TTC28: variants seen among roughly 807,000 people sequenced by gnomAD.
TTC28 encodes tetratricopeptide repeat domain 28.
Under a neutral mutation model 198.0 loss-of-function variants are expected in TTC28, and 61 were observed. That is an observed-to-expected ratio of 0.31 (90% CI 0.25 to 0.38). The LOEUF is 0.38. Ranked by LOEUF, TTC28 falls within the 10% of genes least tolerant of loss-of-function variation. The pLI, the probability that TTC28 is intolerant of heterozygous loss-of-function variation, is 1.00. For missense variants in TTC28, 2,678 were observed against 3,164.0 expected (o/e 0.85, Z 3.69); for synonymous variants, 1,171 against 1,297.8 (o/e 0.90, Z 2.10).
intron 2 of TTC28, among the ~76,000 whole-genome samples, chr22:28,534,942 G>A (rs904630091): frequency 1.3e-5 from 2 of 152,042 alleles, no homozygotes; most frequent in Admixed American, 6.6e-5. Flanking sequence ...GGGGTAGTAT[G>A]AGGAGATATA....
chr22:28,388,796 A>C (rs959972794), intron 2 of TTC28, among the ~76,000 whole-genome samples: 5 of 152,324 alleles, frequency 3.3e-5, no homozygotes, highest in Admixed American at 1.3e-4. Flanking sequence ...AACAGGGACA[A>C]TTTGACTTCC....
At chr22:28,023,733 T>A (rs1569088779) in intron 13 of TTC28, among the ~76,000 whole-genome samples, 1 of 152,134 alleles carries the variant, frequency 6.6e-6, no homozygotes, top group East Asian at 1.9e-4. Flanking sequence ...AGATGGGTGA[T>A]CACCTGGCAA....
At chr22:28,014,153 C>T in intron 14 of TTC28, 95 bp downstream of exon 14, 1 of 1,402,734 alleles carries the variant, frequency 7.1e-7, no homozygotes. Context: ...GTCTCGGGAG[C>T]CCATTTTGGT....
At chr22:28,166,294 G>C (rs1014465024) in intron 5 of TTC28, among the ~76,000 whole-genome samples, 12 of 152,142 alleles carry the variant, frequency 7.9e-5, no homozygotes, top group Admixed American at 6.5e-4. Flanking sequence ...GGATATCCAG[G>C]AATTGAACTC....
At chr22:28,580,305 T>G in intron 2 of TTC28, among the ~76,000 whole-genome samples, 1 of 152,170 alleles carries the variant, frequency 6.6e-6, no homozygotes, top group Non-Finnish European at 1.5e-5. Flanking sequence ...CTCCCTTACC[T>G]CCCTACAAAG....
At chr22:28,251,549 G>A (rs1049814883) in intron 5 of TTC28, among the ~76,000 whole-genome samples, 11 of 152,226 alleles carry the variant, frequency 7.2e-5, no homozygotes, top group African/African-American at 2.2e-4. Flanking sequence ...ATCACTGTTA[G>A]GAGAAACAAA....
chr22:28,423,525 T>C (rs1014362896), intron 2 of TTC28, among the ~76,000 whole-genome samples: 1 of 152,260 alleles, frequency 6.6e-6, no homozygotes. Context: ...TTCAGCCCTC[T>C]ATAGTTCTAT....
chr22:28,093,925 A>T (rs1035414032), intron 12 of TTC28, among the ~76,000 whole-genome samples, 155 bp downstream of exon 12: 6 of 152,228 alleles, frequency 3.9e-5, no homozygotes, highest in Admixed American at 2.6e-4. Context: ...CACTCCAGAG[A>T]CACATATTTG....
chr22:28,631,980 T>C (rs866269824), intron 1 of TTC28, among the ~76,000 whole-genome samples: 2 of 152,146 alleles, frequency 1.3e-5, no homozygotes, highest in African/African-American at 4.8e-5. Flanking sequence ...TATGTCTTCC[T>C]TTAAGATCAA....
chr22:28,506,051 G>GT (rs56908373), intron 2 of TTC28, among the ~76,000 whole-genome samples: 106,998 of 151,972 alleles, frequency 0.7, 37,812 homozygotes, highest in South Asian at 0.81. Flanking sequence ...GCTTCCTTAA[G>GT]GGGACCTCAA....
chr22:28,541,051 T>C (rs2049400601), intron 2 of TTC28, among the ~76,000 whole-genome samples: 1 of 152,204 alleles, frequency 6.6e-6, no homozygotes, highest in Non-Finnish European at 1.5e-5. Context: ...TTATACTTGA[T>C]ATACTTGTTA....
intron 12 of TTC28, among the ~76,000 whole-genome samples, chr22:28,065,776 G>A (rs1173203959): frequency 2.0e-5 from 3 of 152,164 alleles, no homozygotes; most frequent in South Asian, 2.1e-4. Context: ...ATTTCAGACC[G>A]TAAGCTTCCA....
At chr22:28,655,152 G>A (rs971507461) in intron 1 of TTC28, among the ~76,000 whole-genome samples, 1 of 152,020 alleles carries the variant, frequency 6.6e-6, no homozygotes, top group African/African-American at 2.4e-5. Flanking sequence ...TTCAACTATT[G>A]AGCACATGTG....
At chr22:28,624,014 A>G (rs2051039704) in intron 2 of TTC28, among the ~76,000 whole-genome samples, 1 of 152,174 alleles carries the variant, frequency 6.6e-6, no homozygotes, top group Admixed American at 6.6e-5. Context: ...TGCAAAAAAA[A>G]GTAGAAAAAA....
chr22:28,100,652 T>C (rs1942114732), intron 9 of TTC28, among the ~76,000 whole-genome samples: 1 of 152,214 alleles, frequency 6.6e-6, no homozygotes. Context: ...ACATGCTCGC[T>C]ATCTGGATGA....
Position 27,983,848 on chromosome 22 carries a change from G to T in TTC28, c.5819C>A (p.Ser1940Tyr). The T allele has an allele frequency of 1.3e-6, 2 of 1,547,502 alleles. No homozygotes were observed. Among genetic ancestry groups the T allele is most frequent in the East Asian group, 4.9e-5 (2 of 40,906 alleles). The part of the protein sequence containing the change: ...ALQSLLSLFD[S>Y]TELPKRLSLD... The stretch of plus-strand genomic sequence containing the variant: ...GCTGAGGCGCTTGGGTAGCTCAGTA[G>T]AATCTAAGCACAAAACACAAGGGCC... The change falls in exon 23 of 23, where the codon TCT becomes TAT. Residue 1940 changes from serine (S) to tyrosine (Y), a missense_variant. Transcript: ENST00000397906.
chr22:28,536,488 G>A (rs1310159965), intron 2 of TTC28, among the ~76,000 whole-genome samples: 2 of 151,998 alleles, frequency 1.3e-5, no homozygotes, highest in East Asian at 2.0e-4. Context: ...GCCAGACGTG[G>A]TGGCAGGCGC....
At chr22:28,651,164 T>A (rs968445779) in intron 1 of TTC28, among the ~76,000 whole-genome samples, 1 of 152,148 alleles carries the variant, frequency 6.6e-6, no homozygotes, top group Non-Finnish European at 1.5e-5. Context: ...AGTCTCTTGA[T>A]CTCTTTTGTT....
At chr22:28,387,763 G>C (rs1281027242) in intron 2 of TTC28, among the ~76,000 whole-genome samples, 1 of 152,120 alleles carries the variant, frequency 6.6e-6, no homozygotes, top group Non-Finnish European at 1.5e-5. Flanking sequence ...CAGATGAGTA[G>C]GTTGCGAAAA....
Sources: allele counts gnomAD v4.1 joint callset (sites outside exome capture counted in the v4.1 genomes callset), GRCh38; gene constraint gnomAD v4.1.1; transcripts MANE v1.5; gene names NCBI Gene and HGNC (gene_info 2026-07-23, HGNC 2026-07-21).